The following FOXP2 variants were observed in gnomAD, a reference collection of about 807,000 sequenced individuals.
FOXP2 encodes the protein forkhead box P2, also known as forkhead box protein P2.
FOXP2 carries 12 observed loss-of-function variants against 115.8 expected under a neutral mutation model. That is an observed-to-expected ratio of 0.10 (90% confidence interval 0.07 to 0.17). The LOEUF is 0.17. Ranked by LOEUF, FOXP2 falls within the 10% of genes least tolerant of loss-of-function variation. The pLI, the probability that FOXP2 is intolerant of heterozygous loss-of-function variation, is 1.00. For synonymous variants in FOXP2, 328 were observed against 297.7 expected (o/e 1.10, Z -1.05); for missense variants, 629 against 843.5 (o/e 0.75, Z 3.15).
Position 114,642,506 on chromosome 7 carries a change from T to G in FOXP2, c.872T>G (p.Leu291Arg). Residue 291 changes from leucine (L) to arginine (R), a missense_variant, in exon 7 of 17, where the codon CTC becomes CGC. Leu to Arg is a moderately radical substitution (Grantham distance 102, BLOSUM62 -2). This residue lies in a region of FOXP2 where 92 missense variants were observed against 80.1 expected (regional missense o/e 1.15). Coordinates refer to ENST00000350908, the MANE Select transcript of FOXP2 (RefSeq NM_014491.4). ...DNGIKHGGLD[L>R]TTNNSSSTTS... ...GGCATTAAACATGGAGGGCTAGACC[T>G]CACTACTAACAATTCCTCCTCGACT... 1 of 1,613,852 alleles carries G rather than the reference T, an allele frequency of 6.2e-7. No homozygotes were observed. Among genetic ancestry groups the G allele is most frequent in the Non-Finnish European group, 8.5e-7 (1 of 1,179,940 alleles).
chr7:114,646,275 C>T (rs1175574014), intron 8 of FOXP2, among the ~76,000 whole-genome samples: 1 of 151,820 alleles, frequency 6.6e-6, no homozygotes, highest in South Asian at 2.1e-4. Flanking sequence ...TTTTATTGCT[C>T]CAAATTGTTC....
intron 3 of FOXP2, among the ~76,000 whole-genome samples, chr7:114,611,976 T>C (rs1396825046): frequency 6.6e-6 from 1 of 152,026 alleles, no homozygotes; most frequent in East Asian, 1.9e-4. Context: ...AAATGAAAAA[T>C]AATTTAGGTT....
chr7:114,253,526 G>T (rs906326475), intron 1 of FOXP2, among the ~76,000 whole-genome samples: 1 of 152,160 alleles, frequency 6.6e-6, no homozygotes, highest in Non-Finnish European at 1.5e-5. Context: ...TTGTTGAATT[G>T]ATCCCTTTAC....
intron 2 of FOXP2, among the ~76,000 whole-genome samples, chr7:114,336,701 C>T (rs2129183746): frequency 6.6e-6 from 1 of 151,174 alleles, no homozygotes; most frequent in Non-Finnish European, 1.5e-5. Context: ...GAAACATTGC[C>T]TAATGGTATA....
chr7:114,166,864 C>T (rs1792996992), intron 1 of FOXP2, among the ~76,000 whole-genome samples: 1 of 152,120 alleles, frequency 6.6e-6, no homozygotes, highest in South Asian at 2.1e-4. Flanking sequence ...CAAATTAAAA[C>T]ATTGAGGTAC....
rs550961565 is a variant in FOXP2 at position 114,690,006 on chromosome 7, A to T, written c.*80A>T. 6.5e-7 allele frequency: 1 copy of T among 1,537,352 alleles called. No individual in the cohort carries two copies. The highest frequency in any genetic ancestry group is 8.9e-7 in the Non-Finnish European group (1 of 1,118,176). On this transcript the variant is annotated 3_prime_UTR_variant, in exon 17 of 17. Transcript: ENST00000350908. ...ACTCCACAACCATGAATATTTGACA[A>T]ATTTTTACTGTGACTATTTATTAAG...
chr7:114,254,864 G>A lies in FOXP2; in HGVS notation c.-101-33155G>A, dbSNP rs559210647. ...GCTGCGTTCCTTTGGAGGGGGAGAC[G>A]CGCTCTCATTTTTAGAATTTTCAGC... On this transcript the variant is annotated intron_variant, in intron 1 of 17. Transcript: ENST00000634411. Among the ~76,000 whole-genome samples, 15 of 152,282 alleles carry A rather than the reference G, an allele frequency of 9.9e-5. No homozygotes were observed. The South Asian group carries it at 1.5e-3, about 15-fold the overall frequency.
intron 1 of FOXP2, among the ~76,000 whole-genome samples, chr7:114,195,431 C>T (rs746968901): frequency 3.9e-5 from 6 of 152,110 alleles, no homozygotes; most frequent in Admixed American, 1.3e-4. Flanking sequence ...TCAGCATCTT[C>T]TCATTGCTGC....
chr7:114,580,568 G>A (rs1801799133), intron 3 of FOXP2, among the ~76,000 whole-genome samples: 1 of 151,908 alleles, frequency 6.6e-6, no homozygotes, highest in Admixed American at 6.6e-5. Flanking sequence ...GCAACAGAGT[G>A]CGACTCTGTC....
intron 2 of FOXP2, among the ~76,000 whole-genome samples, chr7:114,427,065 T>G (rs895218782): frequency 6.6e-6 from 1 of 151,842 alleles, no homozygotes; most frequent in East Asian, 1.9e-4. Context: ...TCTTCAAGTC[T>G]GAGCTAAGGT....
chr7:114,106,933 C>T (rs943438826), intron 1 of FOXP2, among the ~76,000 whole-genome samples: 3 of 151,964 alleles, frequency 2.0e-5, no homozygotes, highest in African/African-American at 7.2e-5. Context: ...AATCAAATCT[C>T]ATTTTCTGGA....
intron 1 of FOXP2, among the ~76,000 whole-genome samples, chr7:114,093,830 G>T (rs1439578656): frequency 1.3e-5 from 2 of 152,014 alleles, no homozygotes; most frequent in Admixed American, 1.3e-4. Context: ...TTTGAAAGTT[G>T]TGAGTGAATA....
At chr7:114,322,174 C>T (rs1436797177) in intron 2 of FOXP2, among the ~76,000 whole-genome samples, 1 of 151,738 alleles carries the variant, frequency 6.6e-6, no homozygotes, top group Admixed American at 6.6e-5. Context: ...AGGTACATGC[C>T]ACCATGCCCA....
chr7:114,189,064 C>T (rs537456512), intron 1 of FOXP2, among the ~76,000 whole-genome samples: 2 of 152,144 alleles, frequency 1.3e-5, no homozygotes, highest in African/African-American at 4.8e-5. Flanking sequence ...GGGAACCACC[C>T]AGAAAATCAG....
intron 3 of FOXP2, among the ~76,000 whole-genome samples, chr7:114,540,106 T>C (rs1055150952): frequency 6.6e-6 from 1 of 152,014 alleles, no homozygotes; most frequent in Admixed American, 6.6e-5. Context: ...TTATGATATA[T>C]ATTCTATATC....
intron 1 of FOXP2, among the ~76,000 whole-genome samples, chr7:114,147,658 A>T (rs1421257861): frequency 3.3e-5 from 5 of 152,230 alleles, no homozygotes; most frequent in Admixed American, 2.6e-4. Context: ...ATTTGATACT[A>T]GTCTATAAAG....
intron 1 of FOXP2, among the ~76,000 whole-genome samples, chr7:114,192,936 A>G (rs1793801626): frequency 6.6e-6 from 1 of 152,114 alleles, no homozygotes; most frequent in African/African-American, 2.4e-5. Flanking sequence ...TTTGCTTTAT[A>G]TTTCATTTAC....
intron 2 of FOXP2, among the ~76,000 whole-genome samples, chr7:114,330,647 G>C (rs544349255): frequency 6.6e-6 from 1 of 151,852 alleles, no homozygotes; most frequent in African/African-American, 2.4e-5. Flanking sequence ...AAACTTATAT[G>C]AATCATAAAC....
At chr7:114,618,328 A>G (rs1233346421) in intron 3 of FOXP2, among the ~76,000 whole-genome samples, 2 of 152,234 alleles carry the variant, frequency 1.3e-5, no homozygotes, top group Non-Finnish European at 2.9e-5. Flanking sequence ...AAATTAAAAT[A>G]AAATAAAACA....
Sources: allele counts gnomAD v4.1 joint callset (sites outside exome capture counted in the v4.1 genomes callset), GRCh38; gene constraint gnomAD v4.1.1; regional missense constraint gnomAD v4.1.1; transcripts MANE v1.5; gene names NCBI Gene and HGNC (gene_info 2026-07-23, HGNC 2026-07-21).